Variants in PPP4R3A observed in about 807,000 individuals in gnomAD.
PPP4R3A encodes serine/threonine-protein phosphatase 4 regulatory subunit 3A.
Under a neutral mutation model 91.7 loss-of-function variants are expected in PPP4R3A, and 15 were observed. The ratio of observed to expected loss-of-function variants is 0.16; its 90% CI spans 0.11 to 0.25. The LOEUF is 0.25. Among genes scored for constraint, PPP4R3A ranks in the 10% least tolerant of loss-of-function variants. The probability of loss-of-function intolerance (pLI) is 1.00; values close to 1 mark genes in which losing one functional copy is unlikely to be tolerated. For missense variants in PPP4R3A, 623 were observed against 998.4 expected (o/e 0.62, Z 5.07); for synonymous variants, 377 against 348.7 (o/e 1.08, Z -0.91).
At chr14:91,501,388 C>T (rs980224723) in intron 1 of PPP4R3A, among the ~76,000 whole-genome samples, 1 of 152,142 alleles carries the variant, frequency 6.6e-6, no homozygotes, top group Non-Finnish European at 1.5e-5. Flanking sequence ...ATATTCAAGG[C>T]TTAAGGCAGG....
intron 10 of PPP4R3A, among the ~76,000 whole-genome samples, chr14:91,468,374 T>C (rs975757309): frequency 6.6e-6 from 1 of 152,102 alleles, no homozygotes; most frequent in Non-Finnish European, 1.5e-5. Flanking sequence ...CTGACTCTCT[T>C]TAAAAATGAC....
At chr14:91,466,940 A>AACACACACACACACACACACACACACAC (rs10525073) in intron 10 of PPP4R3A, among the ~76,000 whole-genome samples, 6 of 147,574 alleles carry the variant, frequency 4.1e-5, no homozygotes, top group African/African-American at 1.0e-4. Flanking sequence ...GTCCTACCAT[A>AACACACACACACACACACACACACACAC]ACACACACAC....
chr14:91,487,731 G>C (rs368770461), intron 2 of PPP4R3A, among the ~76,000 whole-genome samples: 1 of 151,572 alleles, frequency 6.6e-6, no homozygotes, highest in African/African-American at 2.4e-5. Context: ...TTGTTTGTTT[G>C]TTTTTTGAGA....
In PPP4R3A at chr14:91,481,860, T is replaced by A; in HGVS notation, c.631A>T (p.Met211Leu). 6.2e-7 allele frequency: 1 copy of A among 1,614,190 alleles called. No individual in the cohort carries two copies. Among genetic ancestry groups the A allele is most frequent in the Non-Finnish European group, 8.5e-7 (1 of 1,180,034 alleles). The change falls in exon 4 of 15, where the codon ATG (methionine) becomes TTG (leucine). Residue 211 changes from methionine to leucine, a missense_variant. This residue lies in a region of PPP4R3A where 264 missense variants were observed against 377.3 expected (regional missense o/e 0.70). Transcript: ENST00000554943. ...LLNRTALFEV[M>L]FSEECIMDVI... The stretch of plus-strand genomic sequence containing the variant: ...TCCATTATACATTCTTCAGAGAACA[T>A]AACTTCAAAAAGAGCAGTTCGATTC...
chr14:91,475,499 C>T (rs1181629851), intron 7 of PPP4R3A: 1 of 237,382 alleles, frequency 4.2e-6, no homozygotes. Context: ...CTCTTAATTC[C>T]CCAGATACAA....
At chr14:91,504,030 C>T (rs1006882302) in intron 1 of PPP4R3A, among the ~76,000 whole-genome samples, 1 of 151,874 alleles carries the variant, frequency 6.6e-6, no homozygotes, top group Admixed American at 6.6e-5. Flanking sequence ...GAGATCGAGA[C>T]CATTCTGGGC....
chr14:91,509,587 C>T lies in PPP4R3A; in HGVS notation c.61G>A (p.Asp21Asn). ...GACGACACATGCCCGGTGCCCCGGT[C>T]GTCCCACTGCCGGTCCTCGTTGAGC... Reference protein sequence around the residue: ...YTLNEDRQWDDRGTGHVSSGY... With the variant: ...YTLNEDRQWDNRGTGHVSSGY... Residue 21 changes from aspartate (D) to asparagine (N), a missense_variant, in exon 1 of 15, where the codon GAC becomes AAC. By Grantham distance (23) the Asp-to-Asn change is conservative. Coordinates refer to ENST00000554943, the MANE Select transcript of PPP4R3A (RefSeq NM_001366432.2). The T allele has an allele frequency of 6.2e-7, 1 of 1,602,964 alleles. No homozygotes were observed. Among genetic ancestry groups the T allele is most frequent in the Non-Finnish European group, 8.5e-7 (1 of 1,179,100 alleles).
intron 14 of PPP4R3A, among the ~76,000 whole-genome samples, chr14:91,460,202 C>T (rs1056948908): frequency 4.6e-5 from 7 of 152,082 alleles, no homozygotes; most frequent in Middle Eastern, 3.4e-3. Flanking sequence ...TTAGTAGAGA[C>T]GGGGTTTCAC....
At chr14:91,509,309 G>C (rs925556664) in intron 1 of PPP4R3A, among the ~76,000 whole-genome samples, 197 bp downstream of exon 1, 1 of 152,224 alleles carries the variant, frequency 6.6e-6, no homozygotes, top group Admixed American at 6.5e-5. Flanking sequence ...GGCACTCAGA[G>C]AAAGGAAACA....
intron 1 of PPP4R3A, among the ~76,000 whole-genome samples, chr14:91,508,905 A>G (rs1017374358): frequency 6.6e-5 from 10 of 152,380 alleles, no homozygotes; most frequent in Non-Finnish European, 1.2e-4. Flanking sequence ...TTACTATAAA[A>G]AAGACAACCA....
chr14:91,473,052 T>C lies in PPP4R3A; in HGVS notation c.1482A>G (p.Thr494=), dbSNP rs1262803933. ...VLTAPLLANT[T]EDKPSKDDFQ... The stretch of plus-strand genomic sequence containing the variant: ...TCTTACCTTTACTAGGTTTGTCTTC[T>C]GTTGTATTTGCTAGTAAAGGAGCAG... Residue 494 remains threonine, a synonymous_variant, in exon 9 of 15, where the codon ACA becomes ACG. Coordinates refer to ENST00000554943, the MANE Select transcript of PPP4R3A (RefSeq NM_001366432.2). The C allele has an allele frequency of 1.2e-6, 2 of 1,614,074 alleles. No individual in the cohort carries two copies. The highest frequency in any genetic ancestry group is 4.5e-5 in the East Asian group (2 of 44,874).
chr14:91,509,390 C>T, intron 1 of PPP4R3A, 116 bp downstream of exon 1: 1 of 1,442,400 alleles, frequency 6.9e-7, no homozygotes, highest in Non-Finnish European at 9.3e-7. Flanking sequence ...GAGGTGGCCG[C>T]CCTCCCCAGC....
At chr14:91,461,016 T>C (rs2140062535) in intron 14 of PPP4R3A, among the ~76,000 whole-genome samples, 1 of 152,344 alleles carries the variant, frequency 6.6e-6, no homozygotes, top group African/African-American at 2.4e-5. Context: ...CCCAGATATT[T>C]AGATTATCAT....
At chr14:91,509,001 G>A (rs975874613) in intron 1 of PPP4R3A, among the ~76,000 whole-genome samples, 2 of 152,136 alleles carry the variant, frequency 1.3e-5, no homozygotes, top group African/African-American at 4.8e-5. Flanking sequence ...GCTTCAACAC[G>A]ATCAGAAACA....
intron 2 of PPP4R3A, among the ~76,000 whole-genome samples, chr14:91,487,205 G>A (rs978811058): frequency 2.9e-5 from 4 of 139,676 alleles, no homozygotes; most frequent in Non-Finnish European, 6.0e-5. Flanking sequence ...ATCCGAGATC[G>A]TGCCACTGCA....
At chr14:91,460,047 T>C (rs1296712101) in intron 14 of PPP4R3A, among the ~76,000 whole-genome samples, 1 of 151,984 alleles carries the variant, frequency 6.6e-6, no homozygotes, top group African/African-American at 2.4e-5. Context: ...AGTCTCACTC[T>C]GTCGCCCAGG....
chr14:91,463,170 A>G (rs1888263472), intron 11 of PPP4R3A, among the ~76,000 whole-genome samples: 1 of 151,912 alleles, frequency 6.6e-6, no homozygotes, highest in African/African-American at 2.4e-5. Flanking sequence ...GATTTAAGCG[A>G]TTCTCCTGGC....
intron 1 of PPP4R3A, among the ~76,000 whole-genome samples, chr14:91,505,363 T>C (rs1891228355): frequency 6.6e-6 from 1 of 150,472 alleles, no homozygotes; most frequent in Non-Finnish European, 1.5e-5. Context: ...AGCATGAGAA[T>C]CCCTTGAACC....
intron 10 of PPP4R3A, among the ~76,000 whole-genome samples, chr14:91,467,483 T>G (rs949117543): frequency 6.6e-6 from 1 of 152,358 alleles, no homozygotes; most frequent in Admixed American, 6.5e-5. Flanking sequence ...AAACGTGAAT[T>G]TCATGTAATA....
Sources: allele counts gnomAD v4.1 joint callset (sites outside exome capture counted in the v4.1 genomes callset), GRCh38; gene constraint gnomAD v4.1.1; regional missense constraint gnomAD v4.1.1; transcripts MANE v1.5; gene names NCBI Gene and HGNC (gene_info 2026-07-23, HGNC 2026-07-21).